The following MTMR3 variants were observed in gnomAD, a reference collection of about 807,000 sequenced individuals.
MTMR3 encodes myotubularin related protein 3.
A neutral mutation model predicts 132.4 loss-of-function variants in MTMR3; 32 were observed. The observed-to-expected ratio is 0.24, with a 90% CI of 0.18 to 0.32. The LOEUF (loss-of-function observed/expected upper bound fraction) is 0.32, where lower values mean the gene tolerates loss of function less well. MTMR3 is among the 10% of genes least tolerant of loss of function. MTMR3 has a pLI of 1.00. For synonymous variants in MTMR3, 556 were observed against 550.3 expected, an observed-to-expected ratio of 1.01 and a Z score of -0.14; for missense variants, 1,216 against 1,489.6, an observed-to-expected ratio of 0.82 and a Z score of 3.02.
At chr22:29,884,374 T>C (rs552329187) in intron 1 of MTMR3, among the ~76,000 whole-genome samples, 1 of 152,164 alleles carries the variant, frequency 6.6e-6, no homozygotes, top group Admixed American at 6.5e-5. Flanking sequence ...TACAGGAGAT[T>C]ATTATTATTT....
chr22:29,949,169 GTCTTAAA>G (rs2066021413), intron 1 of MTMR3, among the ~76,000 whole-genome samples: 1 of 88,574 alleles, frequency 1.1e-5, no homozygotes, highest in Admixed American at 1.8e-4. Context: ...CCGAGGCCCT[GTCTTAAA>G]ACACACACAC....
At chr22:29,960,485 G>GA in intron 2 of MTMR3, among the ~76,000 whole-genome samples, 1 of 152,308 alleles carries the variant, frequency 6.6e-6, no homozygotes, top group Non-Finnish European at 1.5e-5. Context: ...CAAAAAAGGA[G>GA]ACAGTGTTGG....
rs971914773 is a variant in MTMR3, at chr22:30,030,772, C to T, written c.*4971C>T. ...CTGGGGCCTCGTGGAGAGGGAGCCT[C>T]CAGGCCCATTCAAAGCTTTATTAGA... is the stretch of plus-strand genomic sequence containing the variant. On this transcript the variant is annotated 3_prime_UTR_variant, in exon 20 of 20. Transcript: ENST00000401950. The T allele has an allele frequency of 1.3e-5, 2 of 152,176 alleles. No individual in the cohort carries two copies. Among genetic ancestry groups the T allele is most frequent in the African/African-American group, 4.8e-5 (2 of 41,398 alleles). The allele number at this position is 152,176 out of a possible 1,614,324, so 9.4% of individuals were successfully genotyped here.
At position 29,925,508 on chromosome 22, in the gene MTMR3, A is replaced by T. The variant is rs140153273; in HGVS notation, c.-137-31528A>T. Reference sequence around the variant, plus strand: ...GTAAATTTCATTTTAAAAAGAAGGAACCAGGAGTAAGAATGTAAAAATAAT... The same window carrying T: ...GTAAATTTCATTTTAAAAAGAAGGATCCAGGAGTAAGAATGTAAAAATAAT... On this transcript the variant is annotated intron_variant, in intron 1 of 19. Transcript: ENST00000401950. 4.5e-3 allele frequency among the ~76,000 whole-genome samples: 679 copies of T among 152,084 alleles called. 6 individuals are homozygous for T. The highest frequency in any genetic ancestry group is 0.015 in the African/African-American group (641 of 41,490).
chr22:30,019,461 C>T lies in MTMR3; in HGVS notation c.1821-19C>T, dbSNP rs756766873. 6.3e-7 allele frequency: 1 copy of T among 1,576,028 alleles called. No individual in the cohort carries two copies. Among genetic ancestry groups the T allele is most frequent in the Admixed American group, 1.8e-5 (1 of 55,932 alleles). ...ACAGTTTCCAAGATTTTCATTTCCC[C>T]CAAATTCCTTTCCTTTAGGCTACCA... On this transcript the variant is annotated intron_variant, in intron 16 of 19. Transcript: ENST00000401950.
At chr22:29,943,151 C>A (rs181507860) in intron 1 of MTMR3, among the ~76,000 whole-genome samples, 1 of 152,122 alleles carries the variant, frequency 6.6e-6, no homozygotes, top group Non-Finnish European at 1.5e-5. Flanking sequence ...TCCCTCCGTT[C>A]GGGGTCCCTG....
chr22:30,026,046 T>TA lies in MTMR3; in HGVS notation c.*247dup, dbSNP rs1242643862. 2.3e-6 allele frequency: 1 copy of TA among 441,356 alleles called. No individual in the cohort carries two copies. The highest frequency in any genetic ancestry group is 4.0e-6 in the Non-Finnish European group (1 of 249,882). The allele number at this position is 441,356 out of a possible 1,614,324, so 27.3% of individuals were successfully genotyped here. ...AAAGGAAACTTTCCCTTGGTTGTCT[T>TA]AATTTTTTTTTTTTTTGATGGAAGA... On this transcript the variant is annotated 3_prime_UTR_variant, in exon 20 of 20. Transcript: ENST00000401950.
At chr22:29,949,558 C>A (rs1468170517) in intron 1 of MTMR3, among the ~76,000 whole-genome samples, 3 of 145,356 alleles carry the variant, frequency 2.1e-5, no homozygotes, top group Non-Finnish European at 4.5e-5. Context: ...AAAACACACA[C>A]ATTCCACATT....
At chr22:29,914,277 C>T (rs572280920) in intron 1 of MTMR3, among the ~76,000 whole-genome samples, 11 of 152,230 alleles carry the variant, frequency 7.2e-5, no homozygotes, top group African/African-American at 2.4e-4. Context: ...TATTGTCATT[C>T]TTACTAACTT....
chr22:30,023,104 TTGTGCC>T (rs1196854429), intron 19 of MTMR3: 3 of 401,668 alleles, frequency 7.5e-6, no homozygotes, highest in Non-Finnish European at 1.4e-5. Flanking sequence ...TTGTTTTCCC[TTGTGCC>T]ATTGGTGAGC....
intron 1 of MTMR3, among the ~76,000 whole-genome samples, chr22:29,956,273 G>A (rs2066187455): frequency 6.6e-6 from 1 of 151,938 alleles, no homozygotes; most frequent in African/African-American, 2.4e-5. Flanking sequence ...TTGAGACAGA[G>A]TCTCACTTTA....
Position 30,025,788 on chromosome 22 carries a change from C to A in MTMR3, c.3584C>A (p.Ala1195Asp). The A allele has an allele frequency of 6.2e-7, 1 of 1,614,024 alleles. No homozygotes were observed. Among genetic ancestry groups the A allele is most frequent in the Non-Finnish European group, 8.5e-7 (1 of 1,180,010 alleles). The change falls in exon 20 of 20, where the codon GCC becomes GAC. Residue 1195 changes from alanine (A) to aspartate (D), a missense_variant. Physicochemically the swap from Ala to Asp is moderately radical, Grantham distance 126. Transcript: ENST00000401950. ...CTTGAACTGGATAAGCCCATTGCTGCCACTTCCAACTGAAGCTCAGTGACC... is the reference window on the plus strand; with the variant it reads ...CTTGAACTGGATAAGCCCATTGCTGACACTTCCAACTGAAGCTCAGTGACC... ...IDLELDKPIA[A>D]TSN
At chr22:29,930,257 G>A (rs564308008) in intron 1 of MTMR3, among the ~76,000 whole-genome samples, 77 of 152,126 alleles carry the variant, frequency 5.1e-4, no homozygotes, top group South Asian at 2.7e-3. Flanking sequence ...AGAATTCCAG[G>A]TACCCTTTGG....
rs1284988845 is a variant in MTMR3, at chr22:30,019,802, C to T, written c.2143C>T (p.Gln715Ter). 1 of 1,614,194 alleles carries T rather than the reference C, an allele frequency of 6.2e-7. No homozygotes were observed. The highest frequency in any genetic ancestry group is 8.5e-7 in the Non-Finnish European group (1 of 1,180,034). Residue 715 changes from glutamine to a stop codon, truncating the protein, a stop_gained, in exon 17 of 20, where the codon CAG becomes TAG. Coordinates refer to ENST00000401950, the MANE Select transcript of MTMR3 (RefSeq NM_021090.4). LOFTEE classifies it high-confidence loss of function. ...TGCCCACAGGGCAGGCATTGAGATA[C>T]AGGAGGGTAAAGAGGACCCTCTCTT... ...EPAHRAGIEI[Q>*]EGKEDPLLEK...
intron 9 of MTMR3, chr22:30,003,545 GCA>G (rs2067217814): frequency 6.6e-6 from 1 of 152,192 alleles, no homozygotes; most frequent in African/African-American, 2.4e-5. Context: ...TGGTGATGGA[GCA>G]CAGATTTTGG....
chr22:29,916,539 T>G (rs1262574055), intron 1 of MTMR3, among the ~76,000 whole-genome samples: 1 of 138,476 alleles, frequency 7.2e-6, no homozygotes, highest in Non-Finnish European at 1.5e-5. Flanking sequence ...GTAATTTGCT[T>G]GTCTTCTCTC....
rs749134286 is a variant in MTMR3, at chr22:30,019,502, G to A, written c.1843G>A (p.Asp615Asn). The part of the protein sequence containing the change: ...LSRLPKTRSY[D>N]NLTTACDNTV... ...TAGGCTACCAAAGACTAGATCATAC[G>A]ACAATCTGACCACAGCCTGTGACAA... The change falls in exon 17 of 20, where the codon GAC becomes AAC. Residue 615 changes from aspartate (D) to asparagine (N), a missense_variant. This residue lies in a region of MTMR3 where 852 missense variants were observed against 852.0 expected (regional missense o/e 1.00). Transcript: ENST00000401950. 4 of 1,607,098 alleles carry A rather than the reference G, an allele frequency of 2.5e-6. No homozygotes were observed. The highest frequency in any genetic ancestry group is 3.4e-6 in the Non-Finnish European group (4 of 1,179,582).
chr22:29,898,174 A>C (rs575463509), intron 1 of MTMR3, among the ~76,000 whole-genome samples: 1 of 152,258 alleles, frequency 6.6e-6, no homozygotes, highest in African/African-American at 2.4e-5. Context: ...TATAGTATTC[A>C]GTCATATGAA....
intron 1 of MTMR3, among the ~76,000 whole-genome samples, chr22:29,900,019 A>G (rs1335542309): frequency 6.6e-6 from 1 of 152,234 alleles, no homozygotes; most frequent in African/African-American, 2.4e-5. Flanking sequence ...TCATATGTGA[A>G]TACACTTAAT....
Sources: allele counts gnomAD v4.1 joint callset (sites outside exome capture counted in the v4.1 genomes callset), GRCh38; gene constraint gnomAD v4.1.1; regional missense constraint gnomAD v4.1.1; transcripts MANE v1.5; gene names NCBI Gene and HGNC (gene_info 2026-07-23, HGNC 2026-07-21).